The following ANKRD31 variants were observed in gnomAD, a reference collection of about 807,000 sequenced individuals.
The protein encoded by ANKRD31 is ankyrin repeat domain 31.
A neutral mutation model predicts 186.0 loss-of-function variants in ANKRD31; 147 were observed. The ratio of observed to expected loss-of-function variants is 0.79; its 90% CI spans 0.69 to 0.91. The LOEUF (loss-of-function observed/expected upper bound fraction) is 0.91. ANKRD31 is among the 40% of genes least tolerant of loss of function. ANKRD31 has a pLI of 0.00. For synonymous variants in ANKRD31, 673 were observed against 736.4 expected (o/e 0.91, Z 1.39); for missense variants, 1,986 against 2,148.8 (o/e 0.92, Z 1.50).
At chr5:75,123,757 G>A (rs1165543746) in intron 17 of ANKRD31, among the ~76,000 whole-genome samples, 2 of 151,926 alleles carry the variant, frequency 1.3e-5, no homozygotes, top group African/African-American at 4.8e-5. Flanking sequence ...GTAGAAGAAT[G>A]TCTCTAATCA....
chr5:75,132,657 T>C (rs991281286), intron 17 of ANKRD31, among the ~76,000 whole-genome samples: 1 of 151,926 alleles, frequency 6.6e-6, no homozygotes, highest in Non-Finnish European at 1.5e-5. Flanking sequence ...ATTCAGGAAA[T>C]ACAGAGAACG....
chr5:75,086,567 C>T (rs570889338), intron 23 of ANKRD31, among the ~76,000 whole-genome samples: 1 of 152,172 alleles, frequency 6.6e-6, no homozygotes, highest in Non-Finnish European at 1.5e-5. Context: ...GACAACATAG[C>T]CTCCAGTGAT....
rs116446471 is a variant in ANKRD31, at chr5:75,105,614, C to T, written c.4341-396G>A. ...GCAATTGGTGGCTAAGGAGAGCCAT[C>T]GTTCTTTAAATTTGGGGCTTGCTTA... On this transcript the variant is annotated intron_variant, in intron 21 of 25. Coordinates refer to ENST00000506364, the MANE Select transcript of ANKRD31 (RefSeq NM_001372053.1). Among the ~76,000 whole-genome samples, 1,208 of 152,182 alleles carry T rather than the reference C, an allele frequency of 7.9e-3. 26 individuals carry two copies. Among genetic ancestry groups the T allele is most frequent in the African/African-American group, 0.027 (1,113 of 41,546 alleles).
Position 75,112,501 on chromosome 5 carries a change from G to C in ANKRD31, c.4243+12C>G. The C allele has an allele frequency of 2.8e-6, 4 of 1,435,712 alleles. No homozygotes were observed. The highest frequency in any genetic ancestry group is 1.9e-6 in the Non-Finnish European group (2 of 1,062,040). 88.9% of individuals were successfully genotyped at this position (1,435,712 alleles called of 1,614,324 possible). On this transcript the variant is annotated intron_variant, in intron 20 of 25. Coordinates refer to ENST00000506364, the MANE Select transcript of ANKRD31 (RefSeq NM_001372053.1). ...CTGAAAATATCATACTTGAGTATGA[G>C]TCTATATTTACCTGCATCTTCAGGG...
chr5:75,218,022 C>A (rs951158446), intron 3 of ANKRD31, among the ~76,000 whole-genome samples: 1 of 152,030 alleles, frequency 6.6e-6, no homozygotes, highest in African/African-American at 2.4e-5. Flanking sequence ...ACTAAACATA[C>A]AACTAGAAGA....
At chr5:75,159,749 G>C (rs1278047830) in intron 11 of ANKRD31, among the ~76,000 whole-genome samples, 1 of 151,394 alleles carries the variant, frequency 6.6e-6, no homozygotes, top group Non-Finnish European at 1.5e-5. Flanking sequence ...CTGAAAGCAA[G>C]TGACAATAAC....
chr5:75,158,412 A>G (rs1752340954), intron 11 of ANKRD31, among the ~76,000 whole-genome samples: 1 of 152,176 alleles, frequency 6.6e-6, no homozygotes, highest in African/African-American at 2.4e-5. Context: ...CTTATCAAAC[A>G]AAGAAGCAAC....
At chr5:75,224,129 T>TTATTTATATATATATATATA (rs1757468518) in intron 2 of ANKRD31, among the ~76,000 whole-genome samples, 1 of 105,752 alleles carries the variant, frequency 9.5e-6, no homozygotes, top group African/African-American at 4.0e-5. Flanking sequence ...TCAGAAATAA[T>TTATTTATATATATATATATA]TATATATATA....
In ANKRD31 at chr5:75,118,564, A is replaced by G. The variant is rs146601170; in HGVS notation, c.3877-267T>C. Among the ~76,000 whole-genome samples the G allele has an allele frequency of 7.8e-4, 119 of 152,310 alleles. 1 individual carries two copies. Among genetic ancestry groups the G allele is most frequent in the African/African-American group, 2.7e-3 (113 of 41,566 alleles). On this transcript the variant is annotated intron_variant, in intron 17 of 25. Coordinates refer to ENST00000506364, the MANE Select transcript of ANKRD31 (RefSeq NM_001372053.1). ...GTAAGAAGTAGGCATAGGGAGGTTC[A>G]GTTCTAGATCGGTACTGCCCAGTAG... is the stretch of plus-strand genomic sequence containing the variant.
intron 17 of ANKRD31, among the ~76,000 whole-genome samples, chr5:75,125,339 T>C (rs1749159107): frequency 6.6e-6 from 1 of 152,210 alleles, no homozygotes; most frequent in African/African-American, 2.4e-5. Flanking sequence ...ATTTTATTTA[T>C]CTGTTTTTAA....
intron 11 of ANKRD31, among the ~76,000 whole-genome samples, chr5:75,162,201 C>T (rs1364675573): frequency 6.6e-6 from 1 of 152,224 alleles, no homozygotes; most frequent in Admixed American, 6.5e-5. Flanking sequence ...AGAGACTGTA[C>T]TCTGCAAAGC....
chr5:75,147,827 T>C (rs552235196), intron 13 of ANKRD31, among the ~76,000 whole-genome samples: 2 of 152,062 alleles, frequency 1.3e-5, no homozygotes, highest in South Asian at 2.1e-4. Context: ...AATTTTTATA[T>C]GCTTTTAAAT....
rs1752762318 is a variant in ANKRD31, at chr5:75,164,139, CT to C, written c.1707+4839del. Reference sequence around the variant, plus strand: ...ATACTGTGAGGACATTCAAGCAGCTCTATGGAGGGGTCCATGTGGCAATGAA... The same window carrying C: ...ATACTGTGAGGACATTCAAGCAGCTCATGGAGGGGTCCATGTGGCAATGAA... On this transcript the variant is annotated intron_variant, in intron 11 of 25. Coordinates refer to ENST00000506364, the MANE Select transcript of ANKRD31 (RefSeq NM_001372053.1). Among the ~76,000 whole-genome samples the C allele has an allele frequency of 2.0e-5, 3 of 152,150 alleles. 1 individual carries two copies. The South Asian group carries it at 6.2e-4, about 32-fold the overall frequency.
intron 3 of ANKRD31, among the ~76,000 whole-genome samples, chr5:75,211,178 G>A (rs1756619107): frequency 6.6e-6 from 1 of 152,044 alleles, no homozygotes; most frequent in African/African-American, 2.4e-5. Flanking sequence ...ACAACCCATG[G>A]CAGCCACCAT....
rs1750807330 is a variant in ANKRD31 at position 75,138,885 on chromosome 5, T to C, written c.3694A>G (p.Ile1232Val). The change falls in exon 16 of 26, where the codon ATA becomes GTA. Residue 1232 changes from isoleucine (I) to valine (V), a missense_variant. Ile to Val is a conservative substitution (Grantham distance 29). Coordinates refer to ENST00000506364, the MANE Select transcript of ANKRD31 (RefSeq NM_001372053.1). The part of the protein sequence containing the change: ...RGNLPLVKAL[I>V]ESGADVNLND... Reference sequence around the variant, plus strand: ...AGATTCACATCTGCTCCAGATTCTATCAGGGCTTTCACTAGGGGCAGATTT... The same window carrying C: ...AGATTCACATCTGCTCCAGATTCTACCAGGGCTTTCACTAGGGGCAGATTT... 6.5e-7 allele frequency: 1 copy of C among 1,536,808 alleles called. No homozygotes were observed. Among genetic ancestry groups the C allele is most frequent in the East Asian group, 2.4e-5 (1 of 40,892 alleles).
At chr5:75,082,042 C>T (rs1053320602) in intron 24 of ANKRD31, among the ~76,000 whole-genome samples, 12 of 152,114 alleles carry the variant, frequency 7.9e-5, no homozygotes, top group African/African-American at 2.9e-4. Context: ...ATTTCTTAAG[C>T]CCTTTAACTT....
intron 11 of ANKRD31, among the ~76,000 whole-genome samples, chr5:75,165,809 G>A (rs1220229450): frequency 4.6e-5 from 7 of 151,952 alleles, no homozygotes; most frequent in Non-Finnish European, 1.0e-4. Context: ...AATATAGAAA[G>A]GACTGTTGTA....
rs183196013 is a variant in ANKRD31, at chr5:75,192,253, C to A, written c.1408+414G>T. Among the ~76,000 whole-genome samples the A allele has an allele frequency of 2.6e-3, 400 of 152,164 alleles. 2 individuals carry two copies. The highest frequency in any genetic ancestry group is 7.6e-3 in the African/African-American group (314 of 41,538). On this transcript the variant is annotated intron_variant, in intron 9 of 25. Coordinates refer to ENST00000506364, the MANE Select transcript of ANKRD31 (RefSeq NM_001372053.1). ...ATTTTTTAAACAATGTTTCTAGATT[C>A]TCTTATTGCTTCTGAGAGTTTTTTA...
chr5:75,070,010 C>T (rs1580260537), intron 25 of ANKRD31, among the ~76,000 whole-genome samples: 1 of 152,116 alleles, frequency 6.6e-6, no homozygotes, highest in Non-Finnish European at 1.5e-5. Flanking sequence ...CTGAATGAAA[C>T]CTGAAGATCT....
Sources: allele counts gnomAD v4.1 joint callset (sites outside exome capture counted in the v4.1 genomes callset), GRCh38; gene constraint gnomAD v4.1.1; transcripts MANE v1.5; gene names NCBI Gene and HGNC (gene_info 2026-07-23, HGNC 2026-07-21).